PCDH15: variants seen among roughly 807,000 people sequenced by gnomAD.
PCDH15 encodes protocadherin related 15, also known as protocadherin-15.
In PCDH15, 129 loss-of-function variants were observed where a neutral mutation model predicts 178.5. That is an observed-to-expected ratio of 0.72 (90% CI 0.63 to 0.84). PCDH15 has a LOEUF of 0.84. Among genes scored for constraint, PCDH15 ranks in the 40% least tolerant of loss-of-function variants. The probability of loss-of-function intolerance (pLI) is 0.00; values close to 1 mark genes in which losing one functional copy is unlikely to be tolerated. For missense variants in PCDH15, 2,230 were observed against 2,099.9 expected (o/e 1.06, Z -1.21); for synonymous variants, 800 against 732.0 (o/e 1.09, Z -1.50).
intron 1 of PCDH15, among the ~76,000 whole-genome samples, chr10:55,294,540 A>T (rs1367886079): frequency 6.6e-6 from 1 of 152,312 alleles, no homozygotes; most frequent in Non-Finnish European, 1.5e-5. Context: ...ACTGGAAAAT[A>T]CTTCACTGTT....
chr10:53,990,543 T>C (rs1488125436), intron 21 of PCDH15, among the ~76,000 whole-genome samples: 1 of 148,832 alleles, frequency 6.7e-6, no homozygotes, highest in East Asian at 1.9e-4. Flanking sequence ...ATGTTTTATA[T>C]ATGTTATATA....
intron 13 of PCDH15, among the ~76,000 whole-genome samples, chr10:54,172,674 TA>T (rs1249384311): frequency 6.6e-6 from 1 of 152,202 alleles, no homozygotes; most frequent in Non-Finnish European, 1.5e-5. Context: ...AGCAATATCA[TA>T]TTTCAAGTCA....
intron 2 of PCDH15, among the ~76,000 whole-genome samples, chr10:54,608,661 A>G (rs1033019096): frequency 6.6e-6 from 1 of 152,038 alleles, no homozygotes; most frequent in Non-Finnish European, 1.5e-5. Context: ...GATGTGACTT[A>G]GTCTGGTAAT....
chr10:55,259,168 G>A (rs1350238125), intron 1 of PCDH15, among the ~76,000 whole-genome samples: 1 of 152,114 alleles, frequency 6.6e-6, no homozygotes, highest in African/African-American at 2.4e-5. Context: ...TACCCCTGCT[G>A]TATCAGTAAC....
intron 8 of PCDH15, among the ~76,000 whole-genome samples, chr10:54,272,267 T>C (rs1487286855): frequency 6.6e-6 from 1 of 151,840 alleles, no homozygotes; most frequent in Admixed American, 6.6e-5. Context: ...TGCACAGATA[T>C]TTTTAGTTCA....
At chr10:54,383,938 C>A (rs1364710979) in intron 3 of PCDH15, among the ~76,000 whole-genome samples, 1 of 151,582 alleles carries the variant, frequency 6.6e-6, no homozygotes, top group African/African-American at 2.4e-5. Context: ...CGTGACTCAG[C>A]CTCCATAATA....
At chr10:54,879,635 A>C (rs1954223792) in intron 3 of PCDH15, among the ~76,000 whole-genome samples, 1 of 151,398 alleles carries the variant, frequency 6.6e-6, no homozygotes. Context: ...AAAGCCCTAA[A>C]ACTGAATATT....
At chr10:55,040,793 C>A (rs975225740) in intron 2 of PCDH15, among the ~76,000 whole-genome samples, 18 of 151,982 alleles carry the variant, frequency 1.2e-4, no homozygotes, top group African/African-American at 4.1e-4. Context: ...TTCTATAACA[C>A]TAAAGTAAAT....
At chr10:54,034,626 C>CATTTGTAGGGAA (rs143888616) in intron 18 of PCDH15, among the ~76,000 whole-genome samples, 1 of 151,126 alleles carries the variant, frequency 6.6e-6, no homozygotes, top group Admixed American at 6.6e-5. Context: ...GGACTGCATT[C>CATTTGTAGGGAA]AAAGAGCTAA....
At chr10:54,763,423 T>C (rs1197311232) in intron 1 of PCDH15, among the ~76,000 whole-genome samples, 3 of 152,130 alleles carry the variant, frequency 2.0e-5, no homozygotes, top group Admixed American at 1.3e-4. Context: ...CTCAACTGCA[T>C]GTACTTATAT....
intron 1 of PCDH15, among the ~76,000 whole-genome samples, chr10:55,239,004 C>T (rs1021536228): frequency 6.6e-6 from 1 of 152,184 alleles, no homozygotes; most frequent in Non-Finnish European, 1.5e-5. Flanking sequence ...CCACTCCCCA[C>T]TACCCTTCCT....
intron 1 of PCDH15, among the ~76,000 whole-genome samples, chr10:54,683,917 G>T (rs1170643107): frequency 2.6e-5 from 4 of 151,938 alleles, no homozygotes; most frequent in Non-Finnish European, 5.9e-5. Flanking sequence ...ATCTAGAAAG[G>T]GTGTTGATTA....
At chr10:55,365,136 A>T (rs189556499) in intron 2 of PCDH15, among the ~76,000 whole-genome samples, 1 of 152,186 alleles carries the variant, frequency 6.6e-6, no homozygotes, top group Admixed American at 6.5e-5. Context: ...TTTTTCCTTG[A>T]AAATGTGTCA....
In PCDH15 at chr10:55,180,538, T is replaced by C. The variant is rs541320473; in HGVS notation, c.-155-13887A>G. On this transcript the variant is annotated intron_variant, in intron 1 of 5. Transcript: ENST00000458638. ...ATTCAACAGTGATTTATGAAATGCC[T>C]GCTATGAATCAGGCATTGTCCTGAG... 5.6e-4 allele frequency among the ~76,000 whole-genome samples: 86 copies of C among 152,262 alleles called. 1 individual carries two copies. The highest frequency in any genetic ancestry group is 6.8e-3 in the Middle Eastern group (2 of 294).
chr10:54,955,794 G>A (rs541463248), intron 2 of PCDH15, among the ~76,000 whole-genome samples: 1 of 151,218 alleles, frequency 6.6e-6, no homozygotes, highest in East Asian at 1.9e-4. Context: ...TTGTAGCAGC[G>A]CAATTAATTT....
At chr10:53,822,375 G>A (rs750100016) in intron 32 of PCDH15, 5 of 1,571,496 alleles carry the variant, frequency 3.2e-6, no homozygotes, top group Non-Finnish European at 4.3e-6. Context: ...AGGGATAGAA[G>A]GAGGAGAGGG....
intron 25 of PCDH15, among the ~76,000 whole-genome samples, chr10:53,904,410 T>A (rs2082529669): frequency 6.6e-6 from 1 of 152,174 alleles, no homozygotes; most frequent in South Asian, 2.1e-4. Context: ...TATACATTTG[T>A]ATTTGTTGAA....
At chr10:55,480,166 GA>G (rs1021396973) in intron 2 of PCDH15, among the ~76,000 whole-genome samples, 2 of 151,444 alleles carry the variant, frequency 1.3e-5, no homozygotes, top group African/African-American at 2.4e-5. Context: ...TGTCATGTAT[GA>G]TTTATTTTAC....
In PCDH15 at chr10:53,961,823, C is replaced by A. The variant is rs1367110805; in HGVS notation, c.2938G>T (p.Glu980Ter). 1 of 1,611,326 alleles carries A rather than the reference C, an allele frequency of 6.2e-7. No individual in the cohort carries two copies. Among genetic ancestry groups the A allele is most frequent in the Admixed American group, 1.7e-5 (1 of 59,964 alleles). Residue 980 changes from glutamate to a stop codon, truncating the protein, a stop_gained, in exon 22 of 38, where the codon GAA becomes TAA. Transcript: ENST00000644397. LOFTEE classifies it high-confidence loss of function. Reference protein sequence around the residue: ...VQFPYPASIFEVEEDSGRVIT... With the variant: ...VQFPYPASIF Reference sequence around the variant, plus strand: ...ACTCTTCCAGAATCTTCTTCCACTTCAAAAATACTGGCAGGGTAAGGAAAC... The same window carrying A: ...ACTCTTCCAGAATCTTCTTCCACTTAAAAAATACTGGCAGGGTAAGGAAAC...
Sources: allele counts gnomAD v4.1 joint callset (sites outside exome capture counted in the v4.1 genomes callset), GRCh38; gene constraint gnomAD v4.1.1; transcripts MANE v1.5; gene names NCBI Gene and HGNC (gene_info 2026-07-23, HGNC 2026-07-21).